ARHGEF26: variants seen among roughly 807,000 people sequenced by gnomAD.
The protein encoded by ARHGEF26 is Rho guanine nucleotide exchange factor (GEF) 26.
Under a neutral mutation model 89.4 loss-of-function variants are expected in ARHGEF26, and 59 were observed. The observed-to-expected ratio is 0.66, with a 90% CI of 0.54 to 0.82. ARHGEF26 has a LOEUF of 0.82. Ranked by LOEUF, ARHGEF26 falls within the 40% of genes least tolerant of loss-of-function variation. The probability of loss-of-function intolerance (pLI) is 0.00; values close to 1 mark genes in which losing one functional copy is unlikely to be tolerated. For synonymous variants in ARHGEF26, 500 were observed against 428.4 expected (o/e 1.17, Z -2.06); for missense variants, 1,234 against 1,085.6 (o/e 1.14, Z -1.92).
intron 6 of ARHGEF26, among the ~76,000 whole-genome samples, chr3:154,176,776 T>A (rs753654621): frequency 6.6e-6 from 1 of 152,120 alleles, no homozygotes; most frequent in Non-Finnish European, 1.5e-5. Flanking sequence ...AGAAGCAGAT[T>A]TTGGTAGATT....
Position 154,148,535 on chromosome 3 carries a change from A to G in ARHGEF26, c.1270-854A>G, listed in dbSNP as rs1719824828. On this transcript the variant is annotated intron_variant, in intron 4 of 14. Transcript: ENST00000465093. ...GTAGCTGTCATCTGTGTAGGTCGCT[A>G]AGCCCAGGTTTTTCATTCTCTTCTC... Among the ~76,000 whole-genome samples, 3 of 150,562 alleles carry G rather than the reference A, an allele frequency of 2.0e-5. No homozygotes were observed. The South Asian group carries it at 6.3e-4, about 32-fold the overall frequency.
chr3:154,209,597 C>G (rs1715238730), intron 9 of ARHGEF26, among the ~76,000 whole-genome samples: 3 of 152,212 alleles, frequency 2.0e-5, no homozygotes, highest in African/African-American at 7.2e-5. Context: ...TACTGTCTCC[C>G]AGATACATAG....
chr3:154,187,346 A>G (rs80107313), intron 6 of ARHGEF26, among the ~76,000 whole-genome samples: 1,721 of 151,194 alleles, frequency 0.011, 34 homozygotes, highest in African/African-American at 0.04. Flanking sequence ...GAGCAGATCA[A>G]TGTTTGAAGC....
In ARHGEF26 at chr3:154,253,181, C is replaced by T; in HGVS notation, c.2366C>T (p.Thr789Ile). The T allele has an allele frequency of 1.2e-6, 2 of 1,614,010 alleles. No homozygotes were observed. Among genetic ancestry groups the T allele is most frequent in the Middle Eastern group, 1.6e-4 (1 of 6,062 alleles). Residue 789 changes from threonine (T) to isoleucine (I), a missense_variant and splice_region_variant, in exon 13 of 15, where the codon ACC (threonine) becomes ATC (isoleucine). Transcript: ENST00000465093. ...AGCGGGAAGCCGCCTGCAGACCGAACCTGTAAGTTCTCTCAAGGGGAAGCC... is the reference window on the plus strand; with the variant it reads ...AGCGGGAAGCCGCCTGCAGACCGAATCTGTAAGTTCTCTCAAGGGGAAGCC... Reference protein sequence around the residue: ...HSSGKPPADRTSLTQVEIVRS... With the variant: ...HSSGKPPADRISLTQVEIVRS...
At chr3:154,190,262 A>T (rs1713874036) in intron 7 of ARHGEF26, among the ~76,000 whole-genome samples, 2 of 152,242 alleles carry the variant, frequency 1.3e-5, no homozygotes, top group South Asian at 4.2e-4. Flanking sequence ...CTGTAATCCC[A>T]CCACTTTGGG....
At chr3:154,147,451 A>G (rs747908551) in intron 4 of ARHGEF26, among the ~76,000 whole-genome samples, 4 of 152,180 alleles carry the variant, frequency 2.6e-5, no homozygotes, top group Admixed American at 2.0e-4. Context: ...GTACAATTTT[A>G]ATTTCTTTCA....
At chr3:154,254,623 C>A in intron 13 of ARHGEF26, 97 bp from the exon 14 acceptor site, 1 of 893,834 alleles carries the variant, frequency 1.1e-6, no homozygotes, top group Non-Finnish European at 1.8e-6. Context: ...CAATGCTGGC[C>A]CTGAATTGCA....
chr3:154,124,374 T>C (rs1248024966), intron 2 of ARHGEF26, 36 bp from the exon 3 acceptor site: 4 of 648,542 alleles, frequency 6.2e-6, no homozygotes, highest in Non-Finnish European at 8.8e-6. Flanking sequence ...TGCTTTTCCT[T>C]TTTTTTTTTT....
At chr3:154,130,370 C>G (rs908291196) in intron 4 of ARHGEF26, among the ~76,000 whole-genome samples, 3 of 151,774 alleles carry the variant, frequency 2.0e-5, no homozygotes, top group African/African-American at 7.3e-5. Flanking sequence ...TGAATTCCTG[C>G]CCTCTAGTGA....
intron 5 of ARHGEF26, among the ~76,000 whole-genome samples, chr3:154,152,390 A>G (rs1358367870): frequency 6.6e-6 from 1 of 152,178 alleles, no homozygotes; most frequent in Non-Finnish European, 1.5e-5. Flanking sequence ...CTAAAGCAGC[A>G]TGCTTTGAAA....
intron 9 of ARHGEF26, among the ~76,000 whole-genome samples, chr3:154,198,954 T>C (rs1714455217): frequency 6.6e-6 from 1 of 152,112 alleles, no homozygotes; most frequent in Non-Finnish European, 1.5e-5. Flanking sequence ...TAGGTACATA[T>C]ATTTATGAGG....
intron 9 of ARHGEF26, among the ~76,000 whole-genome samples, chr3:154,203,677 T>C (rs190253693): frequency 1.3e-5 from 2 of 152,166 alleles, no homozygotes; most frequent in African/African-American, 2.4e-5. Flanking sequence ...TTTTTGAGGG[T>C]TTTTAGCACG....
intron 2 of ARHGEF26, among the ~76,000 whole-genome samples, chr3:154,124,202 A>G (rs1718180043): frequency 6.6e-6 from 1 of 152,062 alleles, no homozygotes; most frequent in African/African-American, 2.4e-5. Context: ...GATCTTGTAC[A>G]TTTTATTTCA....
chr3:154,156,393 AAAAG>A (rs1308664865), intron 6 of ARHGEF26, among the ~76,000 whole-genome samples: 1 of 152,132 alleles, frequency 6.6e-6, no homozygotes, highest in Non-Finnish European at 1.5e-5. Context: ...TTTTATTTAA[AAAAG>A]AAAACAGATA....
chr3:154,201,258 G>C (rs1253494238), intron 9 of ARHGEF26, among the ~76,000 whole-genome samples: 10 of 151,344 alleles, frequency 6.6e-5, no homozygotes, highest in Admixed American at 6.6e-4. Context: ...GAAGTGTTTG[G>C]TTTTTTGTCC....
At chr3:154,212,282 C>A (rs139048200) in intron 9 of ARHGEF26, among the ~76,000 whole-genome samples, 1 of 151,594 alleles carries the variant, frequency 6.6e-6, no homozygotes, top group African/African-American at 2.4e-5. Flanking sequence ...CATGATAGAC[C>A]CTGTGACCAT....
intron 10 of ARHGEF26, among the ~76,000 whole-genome samples, chr3:154,222,154 C>T (rs1361881700): frequency 6.6e-6 from 1 of 152,086 alleles, no homozygotes; most frequent in Non-Finnish European, 1.5e-5. Context: ...TCTTTGACTC[C>T]AGAGTCCACA....
intron 6 of ARHGEF26, among the ~76,000 whole-genome samples, chr3:154,155,429 TAAG>T (rs1314677229): frequency 3.9e-5 from 6 of 151,936 alleles, no homozygotes; most frequent in South Asian, 2.1e-4. Context: ...ATCTGCTTAA[TAAG>T]AAGGAGAGGG....
At chr3:154,188,667 A>G (rs1446008738) in intron 7 of ARHGEF26, among the ~76,000 whole-genome samples, 5 of 152,140 alleles carry the variant, frequency 3.3e-5, no homozygotes, top group Admixed American at 2.0e-4. Flanking sequence ...TGACCACGGC[A>G]TGGAGCTTCG....
Sources: gnomAD v4.1 joint callset for allele counts (sites outside exome capture counted in the v4.1 genomes callset) on GRCh38, gnomAD v4.1.1 for gene constraint, MANE v1.5 for transcripts, NCBI Gene and HGNC (gene_info 2026-07-23, HGNC 2026-07-21) for gene names.